ADCK1: variants seen among roughly 807,000 people sequenced by gnomAD.
ADCK1 encodes the protein aarF domain-containing protein kinase 1.
In ADCK1, 41 loss-of-function variants were observed where a neutral mutation model predicts 52.3. That is an observed-to-expected ratio of 0.78 (90% CI 0.61 to 1.02). The LOEUF is 1.02. ADCK1 is among the 50% of genes least tolerant of loss of function. The pLI, the probability that ADCK1 is intolerant of heterozygous loss-of-function variation, is 0.00. For synonymous variants in ADCK1, 250 were observed against 274.6 expected (o/e 0.91, Z 0.89); for missense variants, 658 against 679.5 (o/e 0.97, Z 0.35).
chr14:77,871,914 G>A (rs142143301), intron 4 of ADCK1, among the ~76,000 whole-genome samples: 96 of 152,326 alleles, frequency 6.3e-4, no homozygotes, highest in East Asian at 2.5e-3. Context: ...CTCAGAGAGC[G>A]TGAGCAGAGT....
rs778880011 is a variant in ADCK1, at chr14:77,907,908, G to A, written c.847G>A (p.Asp283Asn). Reference sequence around the variant, plus strand: ...AGACTACATGGAGAGGAACAAGATCGACGTCAATGAGGTGAGGTCAAGAGC... The same window carrying A: ...AGACTACATGGAGAGGAACAAGATCAACGTCAATGAGGTGAGGTCAAGAGC... The part of the protein sequence containing the change: ...DRDYMERNKI[D>N]VNEISRHLGK... Residue 283 changes from aspartate to asparagine, a missense_variant, in exon 7 of 11, where the codon GAC (aspartate) becomes AAC (asparagine). By Grantham distance (23) the Asp-to-Asn change is conservative. Coordinates refer to ENST00000238561, the MANE Select transcript of ADCK1 (RefSeq NM_020421.4). The A allele has an allele frequency of 1.7e-5, 27 of 1,613,620 alleles. No individual in the cohort carries two copies. The highest frequency in any genetic ancestry group is 2.0e-5 in the Non-Finnish European group (24 of 1,179,774).
chr14:77,843,025 G>T (rs1315150273), intron 3 of ADCK1, among the ~76,000 whole-genome samples: 2 of 151,828 alleles, frequency 1.3e-5, no homozygotes, highest in African/African-American at 4.8e-5. Context: ...GAGTAGCTGG[G>T]ATCACAGGTG....
chr14:77,822,962 C>G (rs1292974391), intron 3 of ADCK1, among the ~76,000 whole-genome samples: 1 of 152,106 alleles, frequency 6.6e-6, no homozygotes, highest in Non-Finnish European at 1.5e-5. Context: ...TAGGCTCTGT[C>G]CCGCAGATAA....
chr14:77,907,940 C>A, intron 7 of ADCK1, 21 bp downstream of exon 7: 5 of 1,606,944 alleles, frequency 3.1e-6, no homozygotes, highest in Non-Finnish European at 4.3e-6. Flanking sequence ...GAGCTCAGGG[C>A]TGCTGTGCCG....
chr14:77,914,302 TA>T lies in ADCK1; in HGVS notation c.858+6384del, dbSNP rs969717322. 4 of 605,440 alleles carry T rather than the reference TA, an allele frequency of 6.6e-6. No individual in the cohort carries two copies. In the African/African-American group the frequency reaches 8.0e-5, roughly 12 times the overall value. The allele number at this position is 605,440 out of a possible 1,614,324, so 37.5% of individuals were successfully genotyped here. On this transcript the variant is annotated intron_variant, in intron 7 of 10. Transcript: ENST00000238561. ...GTTGTGGTGGGGTCTTTGCCTTCTT[TA>T]CTACTTTTAGAGTCACTTTAGTGGG...
intron 3 of ADCK1, among the ~76,000 whole-genome samples, chr14:77,855,531 G>T (rs724263): frequency 0.86 from 130,319 of 152,178 alleles, 55,942 homozygotes; most frequent in Middle Eastern, 0.93. Flanking sequence ...GTTAAACTCT[G>T]TTAATATGTT....
At chr14:77,883,411 A>G (rs1191247538) in intron 4 of ADCK1, among the ~76,000 whole-genome samples, 1 of 151,926 alleles carries the variant, frequency 6.6e-6, no homozygotes, top group African/African-American at 2.4e-5. Context: ...CATGGGGGGT[A>G]TAATTCTGCT....
At chr14:77,865,650 C>T (rs568971309) in intron 4 of ADCK1, among the ~76,000 whole-genome samples, 5 of 152,216 alleles carry the variant, frequency 3.3e-5, no homozygotes, top group African/African-American at 4.8e-5. Flanking sequence ...TGCTTTCACA[C>T]GGCCTGGAGC....
chr14:77,904,709 C>A (rs2083618955), intron 6 of ADCK1, among the ~76,000 whole-genome samples: 1 of 152,138 alleles, frequency 6.6e-6, no homozygotes, highest in South Asian at 2.1e-4. Flanking sequence ...AGGAGGGAGG[C>A]CTCTGCTCTG....
intron 5 of ADCK1, among the ~76,000 whole-genome samples, chr14:77,890,373 G>A (rs956776520): frequency 2.6e-5 from 4 of 152,166 alleles, no homozygotes; most frequent in African/African-American, 7.2e-5. Context: ...ACAGCATGGC[G>A]GCTGGGTTCT....
At chr14:77,915,312 T>A (rs1047148845) in intron 7 of ADCK1, among the ~76,000 whole-genome samples, 3 of 151,472 alleles carry the variant, frequency 2.0e-5, no homozygotes, top group Admixed American at 2.0e-4. Context: ...TAGGTATATC[T>A]CCTAATGCTA....
Position 77,826,193 on chromosome 14 carries a change from G to T in ADCK1, c.219+3675G>T, listed in dbSNP as rs757333659. Among the ~76,000 whole-genome samples, 19 of 152,336 alleles carry T rather than the reference G, an allele frequency of 1.2e-4. No homozygotes were observed. In the Middle Eastern group the frequency reaches 0.017, roughly 136 times the overall value. Reference sequence around the variant, plus strand: ...CGTCTCTGGGAGTTGTGCCTGGGAAGGGGGAGCTGGCTGGCACTAAGAGCA... The same window carrying T: ...CGTCTCTGGGAGTTGTGCCTGGGAATGGGGAGCTGGCTGGCACTAAGAGCA... On this transcript the variant is annotated intron_variant, in intron 3 of 10. Transcript: ENST00000238561.
At chr14:77,875,992 A>G (rs2082891049) in intron 4 of ADCK1, among the ~76,000 whole-genome samples, 1 of 152,120 alleles carries the variant, frequency 6.6e-6, no homozygotes, top group Non-Finnish European at 1.5e-5. Context: ...CTAAAAATGG[A>G]CTTCCACTGA....
chr14:77,846,629 C>A (rs1043061097), intron 3 of ADCK1, among the ~76,000 whole-genome samples: 10 of 152,198 alleles, frequency 6.6e-5, no homozygotes, highest in Non-Finnish European at 1.5e-4. Context: ...AACAGAGACC[C>A]TCTAGTGATC....
chr14:77,907,875 A>G lies in ADCK1; in HGVS notation c.814A>G (p.Asn272Asp). 6.2e-7 allele frequency: 1 copy of G among 1,614,058 alleles called. No homozygotes were observed. Among genetic ancestry groups the G allele is most frequent in the Non-Finnish European group, 8.5e-7 (1 of 1,179,948 alleles). ...GGAGTTTGTGGATGGCGGGCAGGTC[A>G]ATGACAGAGACTACATGGAGAGGAA... The part of the protein sequence containing the change: ...LMEFVDGGQV[N>D]DRDYMERNKI... The change falls in exon 7 of 11, where the codon AAT becomes GAT. Residue 272 changes from asparagine to aspartate, a missense_variant. Asn to Asp is a conservative substitution (Grantham distance 23). Coordinates refer to ENST00000238561, the MANE Select transcript of ADCK1 (RefSeq NM_020421.4).
intron 4 of ADCK1, among the ~76,000 whole-genome samples, chr14:77,881,034 G>A (rs2140190784): frequency 6.6e-6 from 1 of 152,368 alleles, no homozygotes; most frequent in South Asian, 2.1e-4. Flanking sequence ...GACTGGTGAT[G>A]TCTGGCATGG....
intron 3 of ADCK1, among the ~76,000 whole-genome samples, chr14:77,851,474 G>C (rs79200233): frequency 0.032 from 4,832 of 152,176 alleles, 145 homozygotes; most frequent in South Asian, 0.12. Context: ...AGGGTGTTTA[G>C]GGATAGTTGA....
At chr14:77,871,320 G>C (rs2082771858) in intron 4 of ADCK1, among the ~76,000 whole-genome samples, 1 of 152,004 alleles carries the variant, frequency 6.6e-6, no homozygotes, top group Non-Finnish European at 1.5e-5. Flanking sequence ...CCCACCCAAG[G>C]GCCAAGGTAG....
intron 2 of ADCK1, among the ~76,000 whole-genome samples, chr14:77,821,891 G>GAA (rs35265585): frequency 0.13 from 13,915 of 109,476 alleles, 1,311 homozygotes; most frequent in Middle Eastern, 0.19. Context: ...CTCTGTCTCA[G>GAA]AAAAAAAAAA....
Sources: allele counts gnomAD v4.1 joint callset (sites outside exome capture counted in the v4.1 genomes callset), GRCh38; gene constraint gnomAD v4.1.1; transcripts MANE v1.5; gene names NCBI Gene and HGNC (gene_info 2026-07-23, HGNC 2026-07-21).